Variants in USP49 observed in about 807,000 individuals in gnomAD.
USP49 encodes the protein ubiquitin specific peptidase 49.
A neutral mutation model predicts 58.6 loss-of-function variants in USP49; 24 were observed. The observed-to-expected ratio is 0.41, with a 90% CI of 0.30 to 0.58. The LOEUF is 0.58. Among genes scored for constraint, USP49 ranks in the 20% least tolerant of loss-of-function variants. The probability of loss-of-function intolerance (pLI) is 0.30; values close to 1 mark genes in which losing one functional copy is unlikely to be tolerated. For missense variants in USP49, 703 were observed against 866.1 expected (o/e 0.81, Z 2.36); for synonymous variants, 408 against 365.1 (o/e 1.12, Z -1.34).
intron 3 of USP49, among the ~76,000 whole-genome samples, chr6:41,814,949 A>T (rs552830393): frequency 6.6e-6 from 1 of 152,314 alleles, no homozygotes; most frequent in South Asian, 2.1e-4. Context: ...AATTACATCT[A>T]CCACAAAACC....
chr6:41,798,917 A>G lies in USP49; in HGVS notation c.1683T>C (p.Arg561=). The change falls in exon 7 of 8, where the codon CGT becomes CGC. Residue 561 remains arginine, a synonymous_variant. Transcript: ENST00000682992. Reference sequence around the variant, plus strand: ...GGACCCCAATCTTCTCTCGATGATTACGGCCAGACCACCTAGAACATGGAT... The same window carrying G: ...GGACCCCAATCTTCTCTCGATGATTGCGGCCAGACCACCTAGAACATGGAT... ...LHLKRFRWSG[R]NHREKIGVHV... 1 of 1,613,850 alleles carries G rather than the reference A, an allele frequency of 6.2e-7. No individual in the cohort carries two copies.
intron 2 of USP49, among the ~76,000 whole-genome samples, chr6:41,880,608 C>T (rs1249726565): frequency 6.6e-6 from 1 of 152,110 alleles, no homozygotes; most frequent in East Asian, 1.9e-4. Context: ...CTGATAAAGT[C>T]AGAGAAAATA....
chr6:41,801,905 C>A (rs1773003193), intron 5 of USP49, among the ~76,000 whole-genome samples: 1 of 152,206 alleles, frequency 6.6e-6, no homozygotes, highest in Admixed American at 6.5e-5. Flanking sequence ...AAAGAACAAT[C>A]CTTTCTTGTA....
At position 41,806,394 on chromosome 6, in the gene USP49, A is replaced by G; in HGVS notation, c.590T>C (p.Leu197Pro). 1 of 1,555,570 alleles carries G rather than the reference A, an allele frequency of 6.4e-7. No individual in the cohort carries two copies. The highest frequency in any genetic ancestry group is 8.6e-7 in the Non-Finnish European group (1 of 1,159,826). The stretch of plus-strand genomic sequence containing the variant: ...CGGAGGGGTGCTGGCCAGCTCCTCC[A>G]GCAGCCGCCGTTTCACCTCGCGCCG... The part of the protein sequence containing the change: ...RRRREVKRRL[L>P]EELASTPPRK... Residue 197 changes from leucine to proline, a missense_variant, in exon 4 of 8, where the codon CTG becomes CCG. Leu to Pro is a moderately conservative substitution (Grantham distance 98, BLOSUM62 -3). This residue lies in a region of USP49 where 376 missense variants were observed against 373.5 expected (regional missense o/e 1.01). Transcript: ENST00000682992. This position sits in a 1 kb window ranked among gnomAD's most constrained non-coding sequence, Gnocchi z 5.9.
rs1772808515 is a variant in USP49, at chr6:41,792,167, C to T, written c.*4366G>A. ...CACTCAGCGCCATCTCAGTCAGCGCCTGCCAGGGAAAGGGCATGGAGAGCT... is the reference window on the plus strand; with the variant it reads ...CACTCAGCGCCATCTCAGTCAGCGCTTGCCAGGGAAAGGGCATGGAGAGCT... On this transcript the variant is annotated 3_prime_UTR_variant, in exon 8 of 8. Transcript: ENST00000682992. The T allele has an allele frequency of 6.6e-6, 1 of 152,280 alleles. No homozygotes were observed. Among genetic ancestry groups the T allele is most frequent in the Admixed American group, 6.5e-5 (1 of 15,288 alleles). 9.4% of individuals were successfully genotyped at this position (152,280 alleles called of 1,614,324 possible).
At chr6:41,839,388 G>C (rs542360533) in intron 3 of USP49, among the ~76,000 whole-genome samples, 269 of 104,122 alleles carry the variant, frequency 2.6e-3, no homozygotes, top group Middle Eastern at 0.023. Context: ...CTGGACAATA[G>C]AGCCAGGCCT....
chr6:41,894,301 C>T (rs1163698402), intron 1 of USP49: 1 of 152,450 alleles, frequency 6.6e-6, no homozygotes, highest in Non-Finnish European at 1.5e-5. Flanking sequence ...TTCTTACACC[C>T]TAACTCTAGT....
intron 5 of USP49, among the ~76,000 whole-genome samples, chr6:41,802,468 A>ATTTTTTTTT (rs1178634996): frequency 2.7e-5 from 2 of 73,900 alleles, no homozygotes; most frequent in African/African-American, 1.1e-4. Flanking sequence ...TTATTTATTT[A>ATTTTTTTTT]TTTTTTATTT....
chr6:41,883,353 C>CAAA (rs35851122), intron 2 of USP49, among the ~76,000 whole-genome samples: 4 of 49,060 alleles, frequency 8.2e-5, no homozygotes, highest in African/African-American at 1.5e-4. Context: ...GACTCTGTCT[C>CAAA]AAAAAAAAAA....
Position 41,831,539 on chromosome 6 carries a change from C to T in USP49, c.-28-24528G>A, listed in dbSNP as rs1005730300. Among the ~76,000 whole-genome samples the T allele has an allele frequency of 2.0e-5, 3 of 147,714 alleles. No individual in the cohort carries two copies. In the Admixed American group the frequency reaches 2.0e-4, roughly 10 times the overall value. On this transcript the variant is annotated intron_variant, in intron 3 of 7. Coordinates refer to ENST00000682992, the MANE Select transcript of USP49 (RefSeq NM_001286554.2). ...AGGTTGCAGTGAGCCGAGACCGTAA[C>T]ATTGCACTCCAGCTTGGGCAACAAG...
rs540246229 is a variant in USP49, at chr6:41,854,800, G to T, written c.-29+16764C>A. Among the ~76,000 whole-genome samples the T allele has an allele frequency of 4.6e-5, 7 of 152,202 alleles. No individual in the cohort carries two copies. In the South Asian group the frequency reaches 1.5e-3, roughly 32 times the overall value. On this transcript the variant is annotated intron_variant, in intron 3 of 7. Coordinates refer to ENST00000682992, the MANE Select transcript of USP49 (RefSeq NM_001286554.2). ...CCTTTTATTTATATTCTGAGACAGGGTCTCACTTTTTCCCCAAGCTGGAGT... is the reference window on the plus strand; with the variant it reads ...CCTTTTATTTATATTCTGAGACAGGTTCTCACTTTTTCCCCAAGCTGGAGT...
At chr6:41,886,233 T>C (rs993974302) in intron 2 of USP49, among the ~76,000 whole-genome samples, 1 of 152,226 alleles carries the variant, frequency 6.6e-6, no homozygotes, top group East Asian at 1.9e-4. Flanking sequence ...GAGTTAAAGA[T>C]GTAAATGTTA....
intron 3 of USP49, among the ~76,000 whole-genome samples, chr6:41,817,462 T>C (rs1023785201): frequency 0.01 from 1,409 of 140,788 alleles, 9 homozygotes; most frequent in Non-Finnish European, 0.016. Context: ...TCTTTCTTTT[T>C]TTTTTTTTTT....
At chr6:41,797,635 A>C in intron 7 of USP49, 3 of 985,818 alleles carry the variant, frequency 3.0e-6, no homozygotes, top group Non-Finnish European at 3.6e-6. Context: ...AGAACATAGT[A>C]AGTGCTCAGT....
intron 3 of USP49, among the ~76,000 whole-genome samples, chr6:41,847,939 C>T (rs900073936): frequency 3.3e-5 from 5 of 152,110 alleles, no homozygotes; most frequent in Non-Finnish European, 7.4e-5. Context: ...CCTCAAAGGA[C>T]TTCAACAAGG....
Position 41,891,841 on chromosome 6 carries a change from G to C in USP49, c.-150C>G, listed in dbSNP as rs1313609824. The C allele has an allele frequency of 1.3e-5, 2 of 152,170 alleles. No homozygotes were observed. The highest frequency in any genetic ancestry group is 2.9e-5 in the Non-Finnish European group (2 of 68,020). The allele number at this position is 152,170 out of a possible 1,614,324, so 9.4% of individuals were successfully genotyped here. On this transcript the variant is annotated 5_prime_UTR_variant, in exon 2 of 8. Coordinates refer to ENST00000682992, the MANE Select transcript of USP49 (RefSeq NM_001286554.2). ...TTGACTGGAGTTGCAGGATAAACTA[G>C]AGGTCCTTTCAAGGTCTCTTCCCAT...
chr6:41,883,136 A>G (rs1431231346), intron 2 of USP49, among the ~76,000 whole-genome samples: 2 of 152,032 alleles, frequency 1.3e-5, no homozygotes, highest in African/African-American at 4.8e-5. Context: ...CTCACTGGTA[A>G]CTAGAAATAA....
intron 3 of USP49, among the ~76,000 whole-genome samples, chr6:41,835,591 G>A (rs1365519694): frequency 6.6e-6 from 1 of 151,982 alleles, no homozygotes; most frequent in Non-Finnish European, 1.5e-5. Flanking sequence ...GCAGGCACCT[G>A]TAGTCCCAGC....
intron 3 of USP49, among the ~76,000 whole-genome samples, chr6:41,841,779 G>A (rs762186395): frequency 9.9e-5 from 15 of 152,158 alleles, no homozygotes; most frequent in Non-Finnish European, 1.8e-4. Flanking sequence ...TCATTTGGCC[G>A]GGCGCAGTGG....
Sources: gnomAD v4.1 joint callset for allele counts (sites outside exome capture counted in the v4.1 genomes callset) on GRCh38, gnomAD v4.1.1 for gene constraint, gnomAD v4.1.1 regional missense constraint, Gnocchi (gnomAD v3.1) non-coding constraint, MANE v1.5 for transcripts, NCBI Gene and HGNC (gene_info 2026-07-23, HGNC 2026-07-21) for gene names.